IMMP2L: variants seen among roughly 807,000 people sequenced by gnomAD.
IMMP2L encodes inner mitochondrial membrane peptidase subunit 2.
IMMP2L carries 18 observed loss-of-function variants against 19.3 expected under a neutral mutation model. The ratio of observed to expected loss-of-function variants is 0.93; its 90% CI spans 0.64 to 1.38. The LOEUF is 1.38. Ranked by LOEUF, IMMP2L falls within the 40% of genes most tolerant of loss-of-function variation. The pLI is 0.00. For synonymous variants in IMMP2L, 76 were observed against 73.0 expected (o/e 1.04, Z -0.21); for missense variants, 233 against 218.2 (o/e 1.07, Z -0.43).
chr7:111,005,607 CACTT>C (rs2129562045), intron 3 of IMMP2L, among the ~76,000 whole-genome samples: 1 of 152,272 alleles, frequency 6.6e-6, no homozygotes, highest in South Asian at 2.1e-4. Flanking sequence ...CATAGTTTGT[CACTT>C]ACTGTGTTCC....
Position 110,803,983 on chromosome 7 carries a change from GGGT to G in IMMP2L, c.408+82607_408+82609del, listed in dbSNP as rs1801436468. Among the ~76,000 whole-genome samples the G allele has an allele frequency of 1.3e-5, 2 of 151,974 alleles. No individual in the cohort carries two copies. The highest frequency in any genetic ancestry group is 2.9e-5 in the Non-Finnish European group (2 of 67,972). The stretch of plus-strand genomic sequence containing the variant: ...GAAGTTTAAGAACAACTGGTAAAAT[GGGT>G]ACTTGAAAGATGAGAATGAGTTTAT... On this transcript the variant is annotated intron_variant, in intron 5 of 5. Coordinates refer to ENST00000405709, the MANE Select transcript of IMMP2L (RefSeq NM_032549.4). This position sits in a 1 kb window ranked among gnomAD's most constrained non-coding sequence, Gnocchi z 4.2.
At chr7:111,054,479 A>G (rs1793310125) in intron 3 of IMMP2L, among the ~76,000 whole-genome samples, 1 of 152,232 alleles carries the variant, frequency 6.6e-6, no homozygotes, top group African/African-American at 2.4e-5. Context: ...GAAATGTCAA[A>G]TGGTTCCTCA....
chr7:111,168,149 T>C (rs148428406), intron 3 of IMMP2L, among the ~76,000 whole-genome samples: 33 of 152,144 alleles, frequency 2.2e-4, no homozygotes, highest in Non-Finnish European at 4.9e-4. Flanking sequence ...GCTGGATATG[T>C]TGTCTGTAAA....
At chr7:111,462,006 A>T (rs952226825) in intron 3 of IMMP2L, among the ~76,000 whole-genome samples, 19 of 151,852 alleles carry the variant, frequency 1.3e-4, no homozygotes, top group Admixed American at 2.0e-4. Context: ...ACACAGAGAT[A>T]AAAAAAACCT....
chr7:111,392,141 T>C (rs1055176755), intron 3 of IMMP2L: 5 of 611,572 alleles, frequency 8.2e-6, no homozygotes, highest in African/African-American at 1.8e-5. Flanking sequence ...GACAACAACA[T>C]ACTTTTAGCC....
chr7:110,852,199 AGGATGGATGGATGGATGGAT>A, intron 5 of IMMP2L, among the ~76,000 whole-genome samples: 2 of 148,852 alleles, frequency 1.3e-5, no homozygotes, highest in South Asian at 2.2e-4. Context: ...GGTGGATGGA[AGGATGGATGGATGGATGGAT>A]GGATGGATGG....
Position 110,981,422 on chromosome 7 carries a change from CTT to C in IMMP2L, c.240-17859_240-17858del, listed in dbSNP as rs1213518216. Among the ~76,000 whole-genome samples the C allele has an allele frequency of 9.2e-5, 14 of 151,950 alleles. No individual in the cohort carries two copies. In the East Asian group the frequency reaches 2.5e-3, roughly 27 times the overall value. On this transcript the variant is annotated intron_variant, in intron 3 of 5. Transcript: ENST00000405709. The stretch of plus-strand genomic sequence containing the variant: ...CAGCTCATAGGAAACCGTGCTAAAA[CTT>C]TATAGTAAGAATGGGCCTGCTGAAA...
At chr7:111,174,951 C>T (rs1267595120) in intron 3 of IMMP2L, among the ~76,000 whole-genome samples, 1 of 151,742 alleles carries the variant, frequency 6.6e-6, no homozygotes, top group Non-Finnish European at 1.5e-5. Flanking sequence ...GAATACTAGG[C>T]TTACAATATG....
chr7:110,681,830 T>G (rs1792741386), intron 5 of IMMP2L, among the ~76,000 whole-genome samples: 1 of 151,992 alleles, frequency 6.6e-6, no homozygotes, highest in Non-Finnish European at 1.5e-5. Flanking sequence ...TAGTGAGTAA[T>G]TCAAGCCATT....
At chr7:111,165,205 G>A (rs1269381234) in intron 3 of IMMP2L, among the ~76,000 whole-genome samples, 1 of 151,944 alleles carries the variant, frequency 6.6e-6, no homozygotes, top group Non-Finnish European at 1.5e-5. Flanking sequence ...CATTTCACTT[G>A]GCATAATGGC....
chr7:111,080,026 A>G (rs1795762118), intron 3 of IMMP2L, among the ~76,000 whole-genome samples: 1 of 67,680 alleles, frequency 1.5e-5, no homozygotes, highest in Non-Finnish European at 5.1e-5. Flanking sequence ...ACAAAAAAAA[A>G]AATGTCATTT....
chr7:110,862,912 T>A (rs894836145), intron 5 of IMMP2L, among the ~76,000 whole-genome samples: 1 of 151,900 alleles, frequency 6.6e-6, no homozygotes, highest in African/African-American at 2.4e-5. Flanking sequence ...CCCACTTACC[T>A]CCTCATATAA....
chr7:111,304,442 G>A (rs1822603369), intron 3 of IMMP2L, among the ~76,000 whole-genome samples: 2 of 151,930 alleles, frequency 1.3e-5, no homozygotes. Flanking sequence ...AGAATGAATT[G>A]AGAAGAGTAA....
chr7:110,893,674 A>AT (rs1240604918), intron 4 of IMMP2L, among the ~76,000 whole-genome samples: 1 of 152,146 alleles, frequency 6.6e-6, no homozygotes, highest in Non-Finnish European at 1.5e-5. Flanking sequence ...TGAATCCATT[A>AT]TCCAGATAGT....
At chr7:111,309,303 T>G (rs1410288021) in intron 3 of IMMP2L, among the ~76,000 whole-genome samples, 1 of 152,150 alleles carries the variant, frequency 6.6e-6, no homozygotes, top group Non-Finnish European at 1.5e-5. Flanking sequence ...TGAAGATGAT[T>G]GCAAGAAATC....
intron 3 of IMMP2L, among the ~76,000 whole-genome samples, chr7:111,125,637 T>C (rs373360405): frequency 2.0e-5 from 3 of 152,238 alleles, no homozygotes; most frequent in South Asian, 2.1e-4. Context: ...TCATAATTTG[T>C]ATTTAACCCT....
intron 3 of IMMP2L, among the ~76,000 whole-genome samples, chr7:111,326,915 TG>T (rs1219337853): frequency 1.3e-5 from 2 of 151,884 alleles, no homozygotes. Context: ...TGTATTCCCA[TG>T]TTCACTGCAG....
chr7:111,019,975 T>C (rs1826110645), intron 3 of IMMP2L, among the ~76,000 whole-genome samples: 1 of 152,062 alleles, frequency 6.6e-6, no homozygotes, highest in Non-Finnish European at 1.5e-5. Flanking sequence ...GGATACTTTC[T>C]CTACATAGCT....
chr7:111,214,504 GTTTTTT>G (rs71151836), intron 3 of IMMP2L, among the ~76,000 whole-genome samples: 1 of 97,044 alleles, frequency 1.0e-5, no homozygotes, highest in Non-Finnish European at 1.9e-5. Context: ...CACCAAATCT[GTTTTTT>G]TTTTTTTTTT....
Sources: allele counts gnomAD v4.1 joint callset (sites outside exome capture counted in the v4.1 genomes callset), GRCh38; gene constraint gnomAD v4.1.1; non-coding constraint Gnocchi (gnomAD v3.1); transcripts MANE v1.5; gene names NCBI Gene and HGNC (gene_info 2026-07-23, HGNC 2026-07-21).